Variants in SMURF1 observed in about 807,000 individuals in gnomAD.
SMURF1 encodes E3 ubiquitin-protein ligase SMURF1.
Under a neutral mutation model 98.0 loss-of-function variants are expected in SMURF1, and 44 were observed. The ratio of observed to expected loss-of-function variants is 0.45; its 90% confidence interval spans 0.35 to 0.58. The LOEUF (loss-of-function observed/expected upper bound fraction) is 0.58, where lower values mean the gene tolerates loss of function less well. Ranked by LOEUF, SMURF1 falls within the 20% of genes least tolerant of loss-of-function variation. The probability of loss-of-function intolerance (pLI) is 0.00; values close to 1 mark genes in which losing one functional copy is unlikely to be tolerated. For synonymous variants in SMURF1, 396 were observed against 374.9 expected, an observed-to-expected ratio of 1.06 and a Z score of -0.65; for missense variants, 687 against 938.4, an observed-to-expected ratio of 0.73 and a Z score of 3.50.
At chr7:99,109,884 T>TTC (rs1286088399) in intron 1 of SMURF1, among the ~76,000 whole-genome samples, 1 of 152,200 alleles carries the variant, frequency 6.6e-6, no homozygotes, top group Non-Finnish European at 1.5e-5. Flanking sequence ...TGGACAAACA[T>TTC]TAAGACACAT....
chr7:99,049,054 G>C (rs2150523471), intron 9 of SMURF1: 1 of 151,836 alleles, frequency 6.6e-6, no homozygotes, highest in South Asian at 2.1e-4. Context: ...TTGTGCCACT[G>C]CACTCCAGCC....
At chr7:99,139,146 T>G (rs755345420) in intron 1 of SMURF1, among the ~76,000 whole-genome samples, 1 of 152,220 alleles carries the variant, frequency 6.6e-6, no homozygotes, top group Admixed American at 6.5e-5. Flanking sequence ...ACTTAACTAT[T>G]TTGAATCAAT....
Position 99,143,961 on chromosome 7 carries a change from C to A in SMURF1, c.-181G>T, listed in dbSNP as rs1798213390. The A allele has an allele frequency of 2.2e-5, 10 of 446,472 alleles. No homozygotes were observed. The South Asian group carries it at 4.3e-4, about 19-fold the overall frequency. 27.7% of individuals were successfully genotyped at this position (446,472 alleles called of 1,614,324 possible). A position where few individuals can be genotyped will look rare whatever the true frequency, so the allele number is the denominator to read the frequency against. On this transcript the variant is annotated 5_prime_UTR_variant, in exon 1 of 18. Coordinates refer to ENST00000361368, the MANE Select transcript of SMURF1 (RefSeq NM_181349.3). ...CAGGCGGATGGTCGAGCCGGGAGAT[C>A]GGCGCTTGCTGCGGCGCTCTGACCC... is the stretch of plus-strand genomic sequence containing the variant.
chr7:99,105,209 C>G (rs962849865), intron 1 of SMURF1, among the ~76,000 whole-genome samples: 2 of 152,184 alleles, frequency 1.3e-5, no homozygotes, highest in Admixed American at 6.5e-5. Flanking sequence ...AACTAGACAG[C>G]TACAATGCAA....
chr7:99,035,340 C>T, intron 16 of SMURF1, 175 bp downstream of exon 16: 2 of 818,360 alleles, frequency 2.4e-6, no homozygotes, highest in Admixed American at 5.3e-5. Context: ...CCTGCTCACA[C>T]ACGGCCCCTG....
chr7:99,038,741 A>G (rs190158027), intron 13 of SMURF1, among the ~76,000 whole-genome samples: 1 of 152,200 alleles, frequency 6.6e-6, no homozygotes, highest in East Asian at 1.9e-4. Context: ...TGGCTTCCAC[A>G]GTCATAGAAG....
chr7:99,143,760 G>C lies in SMURF1; in HGVS notation c.21C>G (p.Arg7=). Residue 7 remains arginine (R), a synonymous_variant, in exon 1 of 18, where the codon CGC becomes CGG. Coordinates refer to ENST00000361368, the MANE Select transcript of SMURF1 (RefSeq NM_181349.3). ...GGATCTTGATGCTGGAGCCGTTCCT[G>C]CGTGTCCCGGGGTTCGACATCTCCC... MSNPGT[R]RNGSSIKIRL... The C allele has an allele frequency of 6.4e-7, 1 of 1,562,912 alleles. No individual in the cohort carries two copies. The highest frequency in any genetic ancestry group is 8.6e-7 in the Non-Finnish European group (1 of 1,157,274).
At chr7:99,119,525 A>G (rs76661930) in intron 1 of SMURF1, among the ~76,000 whole-genome samples, 11,164 of 152,280 alleles carry the variant, frequency 0.073, 853 homozygotes, top group African/African-American at 0.2. Flanking sequence ...ATATTGGAGT[A>G]ATTTTAAAAA....
chr7:99,131,989 T>G (rs1797881111), intron 1 of SMURF1, among the ~76,000 whole-genome samples: 1 of 152,100 alleles, frequency 6.6e-6, no homozygotes, highest in African/African-American at 2.4e-5. Context: ...GCCCAACCAG[T>G]TATCCCCGCC....
intron 1 of SMURF1, among the ~76,000 whole-genome samples, chr7:99,085,121 T>C (rs563615009): frequency 6.6e-6 from 1 of 151,674 alleles, no homozygotes; most frequent in Non-Finnish European, 1.5e-5. Flanking sequence ...GAGGCCGAGG[T>C]GGGTGGATCA....
chr7:99,111,934 G>T (rs1797333957), intron 1 of SMURF1, among the ~76,000 whole-genome samples: 1 of 152,194 alleles, frequency 6.6e-6, no homozygotes, highest in East Asian at 1.9e-4. Context: ...GTGTGGGAGT[G>T]GTAGAGGTCT....
rs745851607 is a variant in SMURF1, at chr7:99,075,646, A to C, written c.56-13809T>G. ...ATTGATGTGGGGAAAAAAAAAAAAAACCCACACATTAGGTGTCATCAGTGT... is the reference window on the plus strand; with the variant it reads ...ATTGATGTGGGGAAAAAAAAAAAAACCCCACACATTAGGTGTCATCAGTGT... On this transcript the variant is annotated intron_variant, in intron 1 of 17. Coordinates refer to ENST00000361368, the MANE Select transcript of SMURF1 (RefSeq NM_181349.3). Among the ~76,000 whole-genome samples, 1,264 of 151,762 alleles carry C rather than the reference A, an allele frequency of 8.3e-3. 13 individuals are homozygous for C. The highest frequency in any genetic ancestry group is 0.026 in the African/African-American group (1,077 of 41,412).
At chr7:99,074,168 G>A (rs1371543975) in intron 1 of SMURF1, among the ~76,000 whole-genome samples, 1 of 152,126 alleles carries the variant, frequency 6.6e-6, no homozygotes, top group Non-Finnish European at 1.5e-5. Context: ...GTTAAAGTTA[G>A]GCTAGTGATT....
At chr7:99,124,479 T>C (rs1393746181) in intron 1 of SMURF1, among the ~76,000 whole-genome samples, 1 of 152,328 alleles carries the variant, frequency 6.6e-6, no homozygotes, top group East Asian at 1.9e-4. Flanking sequence ...TGCACAGCTC[T>C]AGCAAAAGTG....
intron 1 of SMURF1, among the ~76,000 whole-genome samples, chr7:99,119,056 C>T (rs1274679069): frequency 1.0e-5 from 1 of 99,604 alleles, no homozygotes; most frequent in Non-Finnish European, 1.8e-5. Context: ...GAGACAGGGT[C>T]TCGCTATTTT....
chr7:99,080,399 A>T (rs1292591631), intron 1 of SMURF1, among the ~76,000 whole-genome samples: 1 of 152,172 alleles, frequency 6.6e-6, no homozygotes, highest in Non-Finnish European at 1.5e-5. Context: ...TCCCAGGTTC[A>T]AGTGATTCCC....
At chr7:99,041,678 A>G (rs760074534) in intron 12 of SMURF1, among the ~76,000 whole-genome samples, 1 of 152,190 alleles carries the variant, frequency 6.6e-6, no homozygotes, top group African/African-American at 2.4e-5. Flanking sequence ...GCGTGCAAAC[A>G]CTGCACTGAC....
intron 1 of SMURF1, among the ~76,000 whole-genome samples, chr7:99,143,253 A>G (rs918080744): frequency 4.4e-5 from 1 of 22,832 alleles, no homozygotes; most frequent in Non-Finnish European, 9.9e-5. Flanking sequence ...GTGAAAGGCA[A>G]GGGGGCGGGG....
chr7:99,034,560 A>T (rs1795054091), intron 16 of SMURF1, among the ~76,000 whole-genome samples: 1 of 151,810 alleles, frequency 6.6e-6, no homozygotes, highest in Non-Finnish European at 1.5e-5. Flanking sequence ...TTCCTCATCC[A>T]TGGAATGGGG....
Sources: allele counts gnomAD v4.1 joint callset (sites outside exome capture counted in the v4.1 genomes callset), GRCh38; gene constraint gnomAD v4.1.1; transcripts MANE v1.5; gene names NCBI Gene and HGNC (gene_info 2026-07-23, HGNC 2026-07-21).